UROC1: variants seen among roughly 807,000 people sequenced by gnomAD.
UROC1 encodes the protein urocanate hydratase 1.
Under a neutral mutation model 89.5 loss-of-function variants are expected in UROC1, and 79 were observed. That is an observed-to-expected ratio of 0.88 (90% CI 0.74 to 1.06). The LOEUF (loss-of-function observed/expected upper bound fraction) is 1.06, where lower values mean the gene tolerates loss of function less well. Among genes scored for constraint, UROC1 ranks in the 50% least tolerant of loss-of-function variants. The pLI is 0.00. For synonymous variants in UROC1, 361 were observed against 354.8 expected (o/e 1.02, Z -0.20); for missense variants, 885 against 907.8 (o/e 0.97, Z 0.32).
chr3:126,505,899 C>T (rs757125331), intron 7 of UROC1, 46 bp downstream of exon 7: 11 of 1,612,220 alleles, frequency 6.8e-6, no homozygotes, highest in Non-Finnish European at 9.3e-6. Context: ...CCCCCTCCAC[C>T]CCCCATGCTG....
Position 126,500,069 on chromosome 3 carries a change from C to A in UROC1, c.1231G>T (p.Ala411Ser), listed in dbSNP as rs1392945547. ...TCCTTCCTCCTACCTGCTCTCTGGG[C>A]CTCCAAGAGGAAGGCATTGCCGTAG... ...WDYGNAFLLEAQRAGADVEKK... is the reference protein window; with the variant it reads ...WDYGNAFLLESQRAGADVEKK... Residue 411 changes from alanine (A) to serine (S), a missense_variant, in exon 12 of 20, where the codon GCC becomes TCC. Transcript: ENST00000290868. The A allele has an allele frequency of 6.2e-7, 1 of 1,613,342 alleles. No individual in the cohort carries two copies. The highest frequency in any genetic ancestry group is 8.5e-7 in the Non-Finnish European group (1 of 1,179,982).
intron 9 of UROC1, among the ~76,000 whole-genome samples, chr3:126,502,596 G>A (rs1490746392): frequency 6.6e-6 from 1 of 150,662 alleles, no homozygotes; most frequent in African/African-American, 2.4e-5. Context: ...ATGTGTGTAT[G>A]TCTGTGTCTG....
chr3:126,511,516 A>G (rs757295588), intron 1 of UROC1, among the ~76,000 whole-genome samples: 1 of 152,242 alleles, frequency 6.6e-6, no homozygotes, highest in African/African-American at 2.4e-5. Context: ...TTGACGGGAC[A>G]TTTTACTCAC....
intron 13 of UROC1, 39 bp from the exon 14 acceptor site, chr3:126,498,211 C>A (rs1278725219): frequency 6.2e-7 from 1 of 1,613,350 alleles, no homozygotes; most frequent in Non-Finnish European, 8.5e-7. Context: ...GGCCCGCTGG[C>A]TTGTTGGGGG....
chr3:126,489,417 C>T (rs1482762246), intron 16 of UROC1, 42 bp from the exon 17 acceptor site: 3 of 1,527,760 alleles, frequency 2.0e-6, no homozygotes, highest in South Asian at 2.2e-5. Context: ...ACAGTGTCCA[C>T]CATGGCTTCC....
At chr3:126,482,685 G>A (rs955911295) in intron 19 of UROC1, among the ~76,000 whole-genome samples, 200 bp from the exon 20 acceptor site, 2 of 152,052 alleles carry the variant, frequency 1.3e-5, no homozygotes, top group Non-Finnish European at 2.9e-5. Context: ...TGAAACTGGC[G>A]GTCATCACAC....
intron 16 of UROC1, among the ~76,000 whole-genome samples, chr3:126,490,734 C>G (rs774651387): frequency 1.6e-4 from 24 of 151,596 alleles, no homozygotes; most frequent in Non-Finnish European, 2.6e-4. Context: ...AGTGAAGGAA[C>G]TGGGAGGAAC....
At chr3:126,501,920 G>A in intron 9 of UROC1, 1 of 1,598,000 alleles carries the variant, frequency 6.3e-7, no homozygotes, top group Non-Finnish European at 8.5e-7. Flanking sequence ...GCCCAGCCCA[G>A]GGCTTGTTGC....
intron 18 of UROC1, among the ~76,000 whole-genome samples, chr3:126,484,278 TC>T (rs1055580062): frequency 6.6e-6 from 1 of 152,174 alleles, no homozygotes; most frequent in Non-Finnish European, 1.5e-5. Context: ...CTGGAGCTGT[TC>T]CCCATCAGCC....
At chr3:126,499,901 T>A (rs1386050223) in intron 12 of UROC1, among the ~76,000 whole-genome samples, 156 bp downstream of exon 12, 1 of 152,086 alleles carries the variant, frequency 6.6e-6, no homozygotes, top group East Asian at 1.9e-4. Flanking sequence ...GGCCTCAGCA[T>A]CCAGAAGGCC....
At chr3:126,499,475 T>C (rs536245254) in intron 12 of UROC1, 66 bp from the exon 13 acceptor site, 1 of 1,486,422 alleles carries the variant, frequency 6.7e-7, no homozygotes, top group African/African-American at 1.4e-5. Flanking sequence ...AGATGGCAAC[T>C]TAAACACAGG....
chr3:126,504,632 C>T (rs1171614234), intron 8 of UROC1, among the ~76,000 whole-genome samples: 1 of 152,164 alleles, frequency 6.6e-6, no homozygotes, highest in African/African-American at 2.4e-5. Context: ...AAATAAAACC[C>T]TATTTACACA....
rs537635131 is a variant in UROC1, at chr3:126,488,237, G to A, written c.1751C>T (p.Ala584Val). 6.2e-7 allele frequency: 1 copy of A among 1,614,212 alleles called. No homozygotes were observed. The highest frequency in any genetic ancestry group is 1.3e-5 in the African/African-American group (1 of 75,062). ...QNFVGDACRG[A>V]TWVALHNGGG... ...TCCGTTGTGAAGGGCGACCCAGGTG[G>A]CTCCGCGACAGGCATCTCCCACGAA... The change falls in exon 18 of 20, where the codon GCC (alanine) becomes GTC (valine). Residue 584 changes from alanine (A) to valine (V), a missense_variant. By Grantham distance (64) the Ala-to-Val change is moderately conservative. Transcript: ENST00000290868.
intron 2 of UROC1, 60 bp downstream of exon 2, chr3:126,510,604 G>A (rs1318319519): frequency 8.1e-6 from 13 of 1,603,042 alleles, no homozygotes; most frequent in Non-Finnish European, 1.1e-5. Flanking sequence ...CCCCAGCACA[G>A]TCCCTTGCGG....
intron 6 of UROC1, 51 bp from the exon 7 acceptor site, chr3:126,506,062 A>G (rs556762652): frequency 3.7e-6 from 6 of 1,607,008 alleles, no homozygotes; most frequent in Non-Finnish European, 5.1e-6. Flanking sequence ...TGCCAGGCCC[A>G]GGTCCTCCCA....
chr3:126,491,457 G>A (rs933214997), intron 16 of UROC1, among the ~76,000 whole-genome samples: 6 of 152,236 alleles, frequency 3.9e-5, no homozygotes, highest in Admixed American at 1.3e-4. Context: ...GGGCGAGTGC[G>A]CCTGGAGCTT....
In UROC1 at chr3:126,499,272, G is replaced by A. The variant is rs549743455; in HGVS notation, c.1316+65C>T. On this transcript the variant is annotated intron_variant, in intron 13 of 19. Coordinates refer to ENST00000290868, the MANE Select transcript of UROC1 (RefSeq NM_144639.3). Reference sequence around the variant, plus strand: ...CTTCTCCAACCTAAATACCCAGGACGCAGACCCTGAACGGGGCAGGGGTGG... The same window carrying A: ...CTTCTCCAACCTAAATACCCAGGACACAGACCCTGAACGGGGCAGGGGTGG... The A allele has an allele frequency of 1.5e-4, 241 of 1,558,012 alleles. 2 individuals are homozygous for A. Among genetic ancestry groups the A allele is most frequent in the South Asian group, 9.9e-4 (87 of 88,136 alleles).
At chr3:126,496,696 G>A (rs1576717842) in intron 14 of UROC1, among the ~76,000 whole-genome samples, 2 of 152,240 alleles carry the variant, frequency 1.3e-5, no homozygotes, top group African/African-American at 4.8e-5. Context: ...AAAGCAGACT[G>A]GTAATTTTCC....
chr3:126,505,550 C>T, intron 8 of UROC1, 151 bp downstream of exon 8: 2 of 1,269,050 alleles, frequency 1.6e-6, no homozygotes, highest in Admixed American at 2.0e-5. Flanking sequence ...CAGTGAGGTC[C>T]AGTGGGGCTT....
Sources: allele counts gnomAD v4.1 joint callset (sites outside exome capture counted in the v4.1 genomes callset), GRCh38; gene constraint gnomAD v4.1.1; transcripts MANE v1.5; gene names NCBI Gene and HGNC (gene_info 2026-07-23, HGNC 2026-07-21).